CAMTA1: variants seen among roughly 807,000 people sequenced by gnomAD.
The protein encoded by CAMTA1 is calmodulin binding transcription activator 1.
A neutral mutation model predicts 170.9 loss-of-function variants in CAMTA1; 27 were observed. That is an observed-to-expected ratio of 0.16 (90% CI 0.12 to 0.22). CAMTA1 has a LOEUF of 0.22. Ranked by LOEUF, CAMTA1 falls within the 10% of genes least tolerant of loss-of-function variation. The pLI is 1.00. For synonymous variants in CAMTA1, 833 were observed against 891.5 expected, an observed-to-expected ratio of 0.93 and a Z score of 1.17; for missense variants, 1,619 against 2,217.2, an observed-to-expected ratio of 0.73 and a Z score of 5.42.
intron 11 of CAMTA1, among the ~76,000 whole-genome samples, chr1:7,683,435 G>A (rs2149334143): frequency 6.6e-6 from 1 of 152,258 alleles, no homozygotes; most frequent in African/African-American, 2.4e-5. Flanking sequence ...CACCCATAGT[G>A]AAAGACTGGA....
intron 3 of CAMTA1, among the ~76,000 whole-genome samples, chr1:6,914,659 G>A (rs1417531645): frequency 6.6e-6 from 1 of 152,198 alleles, no homozygotes; most frequent in East Asian, 1.9e-4. Flanking sequence ...CTAGGAAGGG[G>A]TGGCACATGT....
At chr1:6,827,663 T>C (rs918947447) in intron 3 of CAMTA1, among the ~76,000 whole-genome samples, 10 of 152,180 alleles carry the variant, frequency 6.6e-5, no homozygotes, top group African/African-American at 1.9e-4. Flanking sequence ...CCATTCTTCA[T>C]GTTGACATGA....
At chr1:7,208,841 A>C (rs556898726) in intron 4 of CAMTA1, among the ~76,000 whole-genome samples, 1 of 152,314 alleles carries the variant, frequency 6.6e-6, no homozygotes, top group South Asian at 2.1e-4. Context: ...GTTGTTTCAC[A>C]TGTTAAATCC....
At chr1:7,459,840 G>C (rs2093041341) in intron 5 of CAMTA1, among the ~76,000 whole-genome samples, 1 of 152,234 alleles carries the variant, frequency 6.6e-6, no homozygotes, top group Non-Finnish European at 1.5e-5. Context: ...TGTAGTGGGA[G>C]AGAAACAGCG....
chr1:6,883,264 C>T (rs1309943435), intron 3 of CAMTA1, among the ~76,000 whole-genome samples: 3 of 151,966 alleles, frequency 2.0e-5, no homozygotes, highest in Non-Finnish European at 4.4e-5. Flanking sequence ...AAGAAACAGA[C>T]GGGTTTCACT....
chr1:6,931,716 C>T (rs1225582157), intron 3 of CAMTA1, among the ~76,000 whole-genome samples: 1 of 152,188 alleles, frequency 6.6e-6, no homozygotes, highest in Non-Finnish European at 1.5e-5. Flanking sequence ...CACACATACC[C>T]CCACATGCCT....
chr1:7,661,490 C>A (rs1311446544), intron 7 of CAMTA1, among the ~76,000 whole-genome samples: 1 of 152,232 alleles, frequency 6.6e-6, no homozygotes, highest in South Asian at 2.1e-4. Flanking sequence ...CTGGGCTGCA[C>A]CATAGTGAGG....
In CAMTA1 at chr1:6,785,493, G is replaced by C. The variant is rs1638871696; in HGVS notation, c.-38G>C. 1 of 1,024,602 alleles carries C rather than the reference G, an allele frequency of 9.8e-7. No homozygotes were observed. Among genetic ancestry groups the C allele is most frequent in the Non-Finnish European group, 1.2e-6 (1 of 850,048 alleles). 63.5% of individuals were successfully genotyped at this position (1,024,602 alleles called of 1,614,324 possible). A position where few individuals can be genotyped will look rare whatever the true frequency, so the allele number is the denominator to read the frequency against. On this transcript the variant is annotated 5_prime_UTR_variant, in exon 1 of 23. Coordinates refer to ENST00000303635, the MANE Select transcript of CAMTA1 (RefSeq NM_015215.4). ...TGGGCCGGCGGCGGCGGCGGTACGA[G>C]GCGCGCGCTCGGGGTCCCGGTCGCG...
chr1:7,652,004 G>A (rs1023386632), intron 7 of CAMTA1, among the ~76,000 whole-genome samples: 1 of 152,130 alleles, frequency 6.6e-6, no homozygotes, highest in East Asian at 1.9e-4. Context: ...CAGCCAAGAC[G>A]AAGCTGCCCC....
At position 7,293,304 on chromosome 1, in the gene CAMTA1, C is replaced by T. The variant is rs745618445; in HGVS notation, c.438+43678C>T. Among the ~76,000 whole-genome samples the T allele has an allele frequency of 1.3e-5, 2 of 152,208 alleles. No homozygotes were observed. Among genetic ancestry groups the T allele is most frequent in the Non-Finnish European group, 2.9e-5 (2 of 68,040 alleles). On this transcript the variant is annotated intron_variant, in intron 5 of 22. Coordinates refer to ENST00000303635, the MANE Select transcript of CAMTA1 (RefSeq NM_015215.4). This position sits in a 1 kb window ranked among gnomAD's most constrained non-coding sequence, Gnocchi z 4.1. ...AGAGGCCTGCTGTGACAAGGGATAA[C>T]GTGCTGGCAGGCCACTTGTCCAAGA... is the stretch of plus-strand genomic sequence containing the variant.
chr1:7,690,650 C>T (rs2096300225), intron 11 of CAMTA1, among the ~76,000 whole-genome samples: 1 of 152,238 alleles, frequency 6.6e-6, no homozygotes, highest in African/African-American at 2.4e-5. Context: ...CAGCTGACAT[C>T]TGCACATGCA....
chr1:7,157,120 G>A (rs1297323318), intron 4 of CAMTA1, among the ~76,000 whole-genome samples: 1 of 152,072 alleles, frequency 6.6e-6, no homozygotes, highest in Non-Finnish European at 1.5e-5. Context: ...GAGGTGGGCA[G>A]TTCACAAGGT....
At chr1:7,170,283 A>C (rs1365534611) in intron 4 of CAMTA1, among the ~76,000 whole-genome samples, 1 of 151,810 alleles carries the variant, frequency 6.6e-6, no homozygotes, top group East Asian at 1.9e-4. Context: ...TGAATTGTAT[A>C]AAATGGGTTT....
intron 12 of CAMTA1, among the ~76,000 whole-genome samples, chr1:7,734,677 C>T (rs1169104102): frequency 1.3e-5 from 2 of 152,142 alleles, no homozygotes; most frequent in Non-Finnish European, 2.9e-5. Context: ...TCACCTAACT[C>T]TGCTCCTGTA....
intron 11 of CAMTA1, among the ~76,000 whole-genome samples, chr1:7,705,549 C>T (rs1426026304): frequency 4.0e-5 from 6 of 150,490 alleles, no homozygotes; most frequent in Admixed American, 4.0e-4. Flanking sequence ...TCGGGGCGCG[C>T]GGGGGCCCGG....
intron 4 of CAMTA1, among the ~76,000 whole-genome samples, chr1:7,247,133 A>G (rs1558304324): frequency 6.6e-6 from 1 of 152,342 alleles, no homozygotes; most frequent in East Asian, 1.9e-4. Flanking sequence ...AAACACTATT[A>G]GGTTGCTCAT....
intron 4 of CAMTA1, among the ~76,000 whole-genome samples, chr1:7,114,049 C>T (rs1644218382): frequency 2.0e-5 from 3 of 152,234 alleles, no homozygotes; most frequent in Admixed American, 6.5e-5. Flanking sequence ...GCCCACCCCC[C>T]ATCCTCTCTC....
At position 7,249,831 on chromosome 1, in the gene CAMTA1, C is replaced by T. The variant is rs1666355698; in HGVS notation, c.438+205C>T. On this transcript the variant is annotated intron_variant, in intron 5 of 22. Transcript: ENST00000303635. This position sits in a 1 kb window ranked among gnomAD's most constrained non-coding sequence, Gnocchi z 4.4. ...AAGTTTTCAGTGAAACTGGATTGAA[C>T]TAAAGCACTCCTGTTTCTTGGGAGT... Among the ~76,000 whole-genome samples, 1 of 152,218 alleles carries T rather than the reference C, an allele frequency of 6.6e-6. No homozygotes were observed. The highest frequency in any genetic ancestry group is 1.5e-5 in the Non-Finnish European group (1 of 68,038).
intron 5 of CAMTA1, among the ~76,000 whole-genome samples, chr1:7,372,538 C>T (rs2086551807): frequency 1.3e-5 from 2 of 152,200 alleles, no homozygotes; most frequent in African/African-American, 4.8e-5. Flanking sequence ...GTAGTGGGCC[C>T]GTGATTGGGC....
Sources: allele counts gnomAD v4.1 joint callset (sites outside exome capture counted in the v4.1 genomes callset), GRCh38; gene constraint gnomAD v4.1.1; non-coding constraint Gnocchi (gnomAD v3.1); transcripts MANE v1.5; gene names NCBI Gene and HGNC (gene_info 2026-07-23, HGNC 2026-07-21).